The following MTCL3 variants were observed in gnomAD, a reference collection of about 807,000 sequenced individuals.
The protein encoded by MTCL3 is MTCL family member 3, also known as microtubule cross-linking factor 3.
chr6:127,499,822 C>T, the MTCL3 span, among the ~76,000 whole-genome samples: 1 of 152,176 alleles, frequency 6.6e-6, no homozygotes, highest in African/African-American at 2.4e-5. Flanking sequence ...GGCACGCTGA[C>T]AGGTGGAAGG....
chr6:127,491,378 A>G, the MTCL3 span, among the ~76,000 whole-genome samples: 1 of 152,224 alleles, frequency 6.6e-6, no homozygotes, highest in Admixed American at 6.5e-5. Context: ...CACCACCCTG[A>G]TCAGTCAGCA....
chr6:127,506,741 C>A, the MTCL3 span, among the ~76,000 whole-genome samples: 1 of 151,924 alleles, frequency 6.6e-6, no homozygotes, highest in African/African-American at 2.4e-5. Context: ...CGACCACGCC[C>A]GGCTAATTTT....
the MTCL3 span, among the ~76,000 whole-genome samples, chr6:127,502,378 G>A: frequency 2.6e-5 from 4 of 152,170 alleles, no homozygotes; most frequent in Non-Finnish European, 5.9e-5. Flanking sequence ...GTTGATGAAT[G>A]CAGTGGCAGG....
the MTCL3 span, among the ~76,000 whole-genome samples, chr6:127,478,315 C>T: frequency 1.3e-5 from 2 of 152,118 alleles, no homozygotes; most frequent in Non-Finnish European, 1.5e-5. Context: ...GGATGTACTC[C>T]CATCAATCTA....
chr6:127,517,511 A>G, the MTCL3 span: 9 of 152,302 alleles, frequency 5.9e-5, no homozygotes, highest in African/African-American at 1.9e-4. Flanking sequence ...GAATTTTCCT[A>G]TGCTTACCCA....
At chr6:127,498,190 A>G in the MTCL3 span, among the ~76,000 whole-genome samples, 2 of 152,240 alleles carry the variant, frequency 1.3e-5, no homozygotes, top group Non-Finnish European at 2.9e-5. Context: ...CAAATCATAT[A>G]TCTGATAAAA....
chr6:127,473,478 C>A, the MTCL3 span: 1 of 1,047,436 alleles, frequency 9.5e-7, no homozygotes, highest in South Asian at 1.8e-5. Context: ...TTTAAGTAGT[C>A]ATTCAACTTA....
the MTCL3 span, among the ~76,000 whole-genome samples, chr6:127,488,588 A>G: frequency 1.3e-5 from 2 of 152,230 alleles, no homozygotes; most frequent in Non-Finnish European, 2.9e-5. Context: ...CTAAAAGTCA[A>G]TAAATGATAA....
At chr6:127,493,855 T>A in the MTCL3 span, among the ~76,000 whole-genome samples, 2 of 152,242 alleles carry the variant, frequency 1.3e-5, no homozygotes, top group African/African-American at 2.4e-5. Flanking sequence ...ATTTTCCTTT[T>A]CCTAGTTCCT....
the MTCL3 span, among the ~76,000 whole-genome samples, chr6:127,506,868 C>G: frequency 6.6e-6 from 1 of 152,108 alleles, no homozygotes; most frequent in Admixed American, 6.6e-5. Flanking sequence ...CATGAGCCAC[C>G]ACGCCCGGCC....
At chr6:127,478,767 C>G in the MTCL3 span, among the ~76,000 whole-genome samples, 2 of 152,086 alleles carry the variant, frequency 1.3e-5, no homozygotes, top group African/African-American at 4.8e-5. Flanking sequence ...GCCTGTAATC[C>G]TAGCACTTTG....
chr6:127,498,982 T>C, the MTCL3 span, among the ~76,000 whole-genome samples: 18 of 152,136 alleles, frequency 1.2e-4, no homozygotes, highest in Non-Finnish European at 2.1e-4. Flanking sequence ...TGTCCTAAAT[T>C]TGGGTTATGG....
chr6:127,502,006 C>A, the MTCL3 span, among the ~76,000 whole-genome samples: 1 of 152,030 alleles, frequency 6.6e-6, no homozygotes, highest in East Asian at 1.9e-4. Flanking sequence ...TATTTGAAAA[C>A]AAAAGAACTG....
chr6:127,515,463 T>C, the MTCL3 span: 1 of 1,395,778 alleles, frequency 7.2e-7, no homozygotes, highest in East Asian at 2.8e-5. The surrounding 1 kb of genome is among the most constrained non-coding windows in gnomAD (Gnocchi z 4.3). Context: ...GCCCTAATCC[T>C]CCCAGGCCCA....
At chr6:127,498,218 C>T in the MTCL3 span, among the ~76,000 whole-genome samples, 2 of 152,070 alleles carry the variant, frequency 1.3e-5, no homozygotes, top group African/African-American at 4.8e-5. Flanking sequence ...ATCCAAAATA[C>T]AGATAGAGCT....
At chr6:127,498,392 T>A in the MTCL3 span, among the ~76,000 whole-genome samples, 1 of 152,168 alleles carries the variant, frequency 6.6e-6, no homozygotes, top group Non-Finnish European at 1.5e-5. Context: ...TATCATTTGA[T>A]GCCCAGTGGA....
chr6:127,492,453 A>G, the MTCL3 span, among the ~76,000 whole-genome samples: 1 of 152,238 alleles, frequency 6.6e-6, no homozygotes, highest in Admixed American at 6.5e-5. Context: ...ATCAAACACA[A>G]GAAAAATAAA....
chr6:127,515,601 C>A, the MTCL3 span: 1 of 1,428,220 alleles, frequency 7.0e-7, no homozygotes, highest in Non-Finnish European at 9.1e-7. This position sits in a 1 kb window ranked among gnomAD's most constrained non-coding sequence, Gnocchi z 4.3. Context: ...GCGGCTGCGA[C>A]GAAGGGGGCG....
the MTCL3 span, chr6:127,515,960 A>T: frequency 6.2e-7 from 1 of 1,604,580 alleles, no homozygotes; most frequent in Non-Finnish European, 8.5e-7. This position sits in a 1 kb window ranked among gnomAD's most constrained non-coding sequence, Gnocchi z 4.3. Context: ...GAAGAGGAGG[A>T]TGGAGAAGGG....
Sources: allele counts gnomAD v4.1 joint callset (sites outside exome capture counted in the v4.1 genomes callset), GRCh38; gene constraint gnomAD v4.1.1; non-coding constraint Gnocchi (gnomAD v3.1); transcripts MANE v1.5; gene names NCBI Gene and HGNC (gene_info 2026-07-23, HGNC 2026-07-21).